Variants in TRAF3 observed in about 807,000 individuals in gnomAD.
TRAF3 encodes TNF receptor associated factor 3.
TRAF3 carries 13 observed loss-of-function variants against 62.3 expected under a neutral mutation model. The observed-to-expected ratio is 0.21, with a 90% CI of 0.14 to 0.33. The LOEUF (loss-of-function observed/expected upper bound fraction) is 0.33. TRAF3 is among the 10% of genes least tolerant of loss of function. The pLI is 1.00. For synonymous variants in TRAF3, 269 were observed against 283.4 expected (o/e 0.95, Z 0.51); for missense variants, 440 against 741.8 (o/e 0.59, Z 4.73).
chr14:102,785,856 G>C lies in TRAF3; in HGVS notation c.-157+8181G>C, dbSNP rs551906020. On this transcript the variant is annotated intron_variant, in intron 1 of 11. Transcript: ENST00000392745. ...ATGCAGCCAGACACTGAGGCCACTA[G>C]GTCAGGTCCTTGGGATGACAGAGGG... is the stretch of plus-strand genomic sequence containing the variant. 2.6e-5 allele frequency among the ~76,000 whole-genome samples: 4 copies of C among 152,286 alleles called. No homozygotes were observed. The East Asian group carries it at 7.7e-4, about 29-fold the overall frequency.
Position 102,903,530 on chromosome 14 carries a change from C to T in TRAF3, c.1135+101C>T. The stretch of plus-strand genomic sequence containing the variant: ...TGAGGGCTATGTTAGGTACATGTGC[C>T]TTAGGACAGTTTTTTCTAATTATGG... On this transcript the variant is annotated intron_variant, in intron 11 of 11. Transcript: ENST00000392745. The surrounding 1 kb of genome is among the most constrained non-coding windows in gnomAD (Gnocchi z 6.4). The T allele has an allele frequency of 6.5e-7, 1 of 1,528,380 alleles. No homozygotes were observed. Among genetic ancestry groups the T allele is most frequent in the African/African-American group, 1.4e-5 (1 of 73,260 alleles). The allele number at this position is 1,528,380 out of a possible 1,614,324, so 94.7% of individuals were successfully genotyped here. A position where few individuals can be genotyped will look rare whatever the true frequency, so the allele number is the denominator to read the frequency against.
rs532693605 is a variant in TRAF3, at chr14:102,911,396, G to C, written c.*5612G>C. ...TGTTTTGAGGTCTTGCAATGTTTTT[G>C]TGTTTCTGATGCTAATAACTAAAGT... On this transcript the variant is annotated 3_prime_UTR_variant, in exon 12 of 12. Transcript: ENST00000392745. The C allele has an allele frequency of 1.3e-5, 2 of 152,208 alleles. No homozygotes were observed. Among genetic ancestry groups the C allele is most frequent in the Non-Finnish European group, 2.9e-5 (2 of 68,032 alleles). 9.4% of individuals were successfully genotyped at this position (152,208 alleles called of 1,614,324 possible).
intron 1 of TRAF3, among the ~76,000 whole-genome samples, chr14:102,818,640 C>T (rs767036827): frequency 4.4e-4 from 67 of 152,224 alleles, no homozygotes; most frequent in Non-Finnish European, 1.8e-4. Context: ...TCCCAGCCTC[C>T]GTAACCACTG....
At chr14:102,889,151 A>G (rs1455367821) in intron 7 of TRAF3, among the ~76,000 whole-genome samples, 1 of 152,202 alleles carries the variant, frequency 6.6e-6, no homozygotes, top group Non-Finnish European at 1.5e-5. Context: ...TGTGTACCGT[A>G]TATTAGGTGT....
intron 1 of TRAF3, among the ~76,000 whole-genome samples, chr14:102,806,581 A>G (rs917437360): frequency 6.6e-6 from 1 of 152,154 alleles, no homozygotes; most frequent in South Asian, 2.1e-4. Flanking sequence ...TTTAACAGCT[A>G]TTGAGTCCTT....
intron 1 of TRAF3, among the ~76,000 whole-genome samples, chr14:102,804,380 A>G (rs1044933447): frequency 6.6e-6 from 1 of 152,184 alleles, no homozygotes; most frequent in Non-Finnish European, 1.5e-5. Context: ...GAAAATTATC[A>G]GTATGTCCCT....
chr14:102,847,534 T>G (rs1886796873), intron 2 of TRAF3, among the ~76,000 whole-genome samples: 1 of 152,146 alleles, frequency 6.6e-6, no homozygotes, highest in Non-Finnish European at 1.5e-5. Context: ...CAACTATTAT[T>G]ATTTTCTGGG....
chr14:102,881,953 G>A (rs1436858223), intron 6 of TRAF3, among the ~76,000 whole-genome samples: 1 of 152,156 alleles, frequency 6.6e-6, no homozygotes, highest in Non-Finnish European at 1.5e-5. Context: ...ACGAAATGGC[G>A]TCAGACCCTG....
At chr14:102,855,458 G>T (rs1030310710) in intron 2 of TRAF3, among the ~76,000 whole-genome samples, 1 of 152,006 alleles carries the variant, frequency 6.6e-6, no homozygotes, top group African/African-American at 2.4e-5. Flanking sequence ...GTATATGAGG[G>T]TTTCAGTTTT....
intron 2 of TRAF3, among the ~76,000 whole-genome samples, chr14:102,838,567 A>G (rs769929000): frequency 7.1e-4 from 108 of 152,378 alleles, no homozygotes; most frequent in Middle Eastern, 3.4e-3. Flanking sequence ...GTGGAAAACC[A>G]TGAGTCTAGT....
chr14:102,847,019 A>T (rs1886767262), intron 2 of TRAF3, among the ~76,000 whole-genome samples: 1 of 152,156 alleles, frequency 6.6e-6, no homozygotes, highest in Admixed American at 6.6e-5. Flanking sequence ...AGTAAGTAAT[A>T]CCTCATAGTA....
intron 1 of TRAF3, among the ~76,000 whole-genome samples, chr14:102,794,535 C>T (rs908457432): frequency 2.0e-5 from 3 of 152,188 alleles, no homozygotes; most frequent in African/African-American, 4.8e-5. Context: ...AGCATTATTC[C>T]TGCCATGTTC....
rs1340844111 is a variant in TRAF3 at position 102,908,711 on chromosome 14, T to C, written c.*2927T>C. On this transcript the variant is annotated 3_prime_UTR_variant, in exon 12 of 12. Coordinates refer to ENST00000392745, the MANE Select transcript of TRAF3 (RefSeq NM_145725.3). Reference sequence around the variant, plus strand: ...AGCAGGACAGAGCTGCTCAGTACTTTACAGAAACCAACTGAGTCGTTTGTG... The same window carrying C: ...AGCAGGACAGAGCTGCTCAGTACTTCACAGAAACCAACTGAGTCGTTTGTG... 3 of 152,344 alleles carry C rather than the reference T, an allele frequency of 2.0e-5. No individual in the cohort carries two copies. The highest frequency in any genetic ancestry group is 4.4e-5 in the Non-Finnish European group (3 of 68,100). The allele number at this position is 152,344 out of a possible 1,614,324, so 9.4% of individuals were successfully genotyped here. A position where few individuals can be genotyped will look rare whatever the true frequency, so the allele number is the denominator to read the frequency against.
intron 1 of TRAF3, among the ~76,000 whole-genome samples, chr14:102,794,750 A>G (rs562581538): frequency 6.6e-6 from 1 of 152,274 alleles, no homozygotes; most frequent in South Asian, 2.1e-4. Context: ...GTTGTGTGTT[A>G]CTCATTTTCA....
chr14:102,800,998 C>T (rs1364347903), intron 1 of TRAF3, among the ~76,000 whole-genome samples: 1 of 148,876 alleles, frequency 6.7e-6, no homozygotes, highest in East Asian at 1.9e-4. Context: ...AACCCCGTCT[C>T]TACTAAAAAT....
At chr14:102,785,617 T>C (rs1456241357) in intron 1 of TRAF3, among the ~76,000 whole-genome samples, 1 of 152,214 alleles carries the variant, frequency 6.6e-6, no homozygotes, top group Non-Finnish European at 1.5e-5. Flanking sequence ...GCAGATTGCC[T>C]GTGGAAATAT....
chr14:102,898,536 G>T (rs1890117552), intron 10 of TRAF3, among the ~76,000 whole-genome samples: 2 of 152,362 alleles, frequency 1.3e-5, no homozygotes, highest in African/African-American at 4.8e-5. Context: ...CTGGCAAGCA[G>T]CTCTGGCTGT....
At chr14:102,850,418 C>T (rs1043978774) in intron 2 of TRAF3, among the ~76,000 whole-genome samples, 21 of 151,964 alleles carry the variant, frequency 1.4e-4, no homozygotes, top group African/African-American at 3.9e-4. Context: ...AATTGCAGGC[C>T]GAGCGTGCTG....
intron 1 of TRAF3, chr14:102,810,887 T>G (rs1899084561): frequency 6.6e-6 from 1 of 152,210 alleles, no homozygotes; most frequent in Admixed American, 6.5e-5. Context: ...CCATTACACA[T>G]TCTGGATTCC....
Sources: gnomAD v4.1 joint callset for allele counts (sites outside exome capture counted in the v4.1 genomes callset) on GRCh38, gnomAD v4.1.1 for gene constraint, Gnocchi (gnomAD v3.1) non-coding constraint, MANE v1.5 for transcripts, NCBI Gene and HGNC (gene_info 2026-07-23, HGNC 2026-07-21) for gene names.